The following CES3 variants were observed in gnomAD, a reference collection of about 807,000 sequenced individuals.
CES3 encodes the protein carboxylesterase 3 (brain).
CES3 carries 49 observed loss-of-function variants against 57.6 expected under a neutral mutation model. That is an observed-to-expected ratio of 0.85 (90% CI 0.68 to 1.08). CES3 has a LOEUF of 1.08. Among genes scored for constraint, CES3 ranks in the 50% least tolerant of loss-of-function variants. The probability of loss-of-function intolerance (pLI) is 0.00; values close to 1 mark genes in which losing one functional copy is unlikely to be tolerated. For missense variants in CES3, 645 were observed against 742.0 expected (o/e 0.87, Z 1.52); for synonymous variants, 266 against 281.6 (o/e 0.94, Z 0.55).
chr16:66,966,439 T>G (rs972063707), intron 7 of CES3, 94 bp downstream of exon 7: 9 of 1,267,216 alleles, frequency 7.1e-6, no homozygotes, highest in Admixed American at 2.0e-5. Context: ...TACCCCCAGG[T>G]GGGGCTGGGG....
intron 8 of CES3, among the ~76,000 whole-genome samples, chr16:66,969,181 G>T (rs569428628): frequency 5.3e-4 from 80 of 152,172 alleles, no homozygotes; most frequent in Non-Finnish European, 1.1e-3. Context: ...CAAGGCAGGC[G>T]GATCACTCAA....
rs1024865118 is a variant in CES3 at position 66,961,324 on chromosome 16, G to C, written c.17G>C (p.Arg6Thr). 1 of 1,613,924 alleles carries C rather than the reference G, an allele frequency of 6.2e-7. No homozygotes were observed. Among genetic ancestry groups the C allele is most frequent in the Non-Finnish European group, 8.5e-7 (1 of 1,179,928 alleles). Residue 6 changes from arginine to threonine, a missense_variant, in exon 1 of 13, where the codon AGA becomes ACA. Physicochemically the swap from Arg to Thr is moderately conservative, Grantham distance 71 (BLOSUM62 -1). Transcript: ENST00000303334. MERAV[R>T]VESGVLVGVV... ...GTAAGGAGAATGGAGAGAGCAGTGA[G>C]AGTGGAGTCCGGGGTCCTGGTCGGG...
chr16:66,966,961 C>A, intron 8 of CES3, 96 bp downstream of exon 8: 1 of 1,398,898 alleles, frequency 7.1e-7, no homozygotes, highest in Non-Finnish European at 9.8e-7. Flanking sequence ...CGGAGCACTC[C>A]CGTTACTCCC....
chr16:66,972,890 A>G lies in CES3; in HGVS notation c.1557A>G (p.Gln519=), dbSNP rs71649614. 693 of 1,614,162 alleles carry G rather than the reference A, an allele frequency of 4.3e-4. 4 individuals are homozygous for G. In the African/African-American group the frequency reaches 7.7e-3, roughly 18 times the overall value. The stretch of plus-strand genomic sequence containing the variant: ...GCAAGGCTCTGCCTCCTTGGCCCCA[A>G]TTCAACCAGGCGGAACAATATCTGG... The part of the protein sequence containing the change: ...PNSKALPPWP[Q]FNQAEQYLEI... Residue 519 remains glutamine, a synonymous_variant, in exon 13 of 13, where the codon CAA becomes CAG. Coordinates refer to ENST00000303334, the MANE Select transcript of CES3 (RefSeq NM_024922.6).
Position 66,964,481 on chromosome 16 carries a change from T to C in CES3, c.685T>C (p.Ser229Pro). 6.2e-7 allele frequency: 1 copy of C among 1,614,124 alleles called. No homozygotes were observed. The part of the protein sequence containing the change: ...DLNCVTVFGG[S>P]AGGSIISGLV... ...CAACTGTGTCACTGTCTTTGGTGGA[T>C]CTGCCGGTGGGAGCATCATCTCTGG... The change falls in exon 5 of 13, where the codon TCT becomes CCT. Residue 229 changes from serine (S) to proline (P), a missense_variant. Ser to Pro is a moderately conservative substitution (Grantham distance 74). Coordinates refer to ENST00000303334, the MANE Select transcript of CES3 (RefSeq NM_024922.6).
Position 66,964,701 on chromosome 16 carries a change from G to A in CES3, c.793G>A (p.Asp265Asn), listed in dbSNP as rs941484361. The A allele has an allele frequency of 3.7e-6, 6 of 1,613,874 alleles. No homozygotes were observed. The highest frequency in any genetic ancestry group is 1.7e-5 in the Admixed American group (1 of 59,990). ...GGTCATCACCACCCCAGGGATCATC[G>A]ACTCTCACCCTTGGCCCCTAGCTCA... The part of the protein sequence containing the change: ...SGVITTPGII[D>N]SHPWPLAQKI... The change falls in exon 6 of 13, where the codon GAC becomes AAC. Residue 265 changes from aspartate (D) to asparagine (N), a missense_variant. Physicochemically the swap from Asp to Asn is conservative, Grantham distance 23 (BLOSUM62 1). Transcript: ENST00000303334.
chr16:66,973,170 G>C lies in CES3; in HGVS notation c.*121G>C, dbSNP rs750425660. On this transcript the variant is annotated 3_prime_UTR_variant, in exon 13 of 13. Coordinates refer to ENST00000303334, the MANE Select transcript of CES3 (RefSeq NM_024922.6). ...AATCTCCACCAGCCCTTAAAGTGTC[G>C]GCCGCTCTGTGACTGGAGTTATGCT... is the stretch of plus-strand genomic sequence containing the variant. 1.0e-5 allele frequency: 9 copies of C among 862,314 alleles called. No individual in the cohort carries two copies. The African/African-American group carries it at 1.4e-4, about 13-fold the overall frequency. The allele number at this position is 862,314 out of a possible 1,614,324, so 53.4% of individuals were successfully genotyped here. A position where few individuals can be genotyped will look rare whatever the true frequency, so the allele number is the denominator to read the frequency against.
chr16:66,972,557 G>T (rs1218204357), intron 11 of CES3, 52 bp downstream of exon 11: 1 of 1,606,348 alleles, frequency 6.2e-7, no homozygotes, highest in East Asian at 2.2e-5. Context: ...ACTCCAAGGG[G>T]CCTGGGCAGG....
intron 1 of CES3, among the ~76,000 whole-genome samples, chr16:66,962,586 C>T (rs1963666059): frequency 6.6e-6 from 1 of 151,920 alleles, no homozygotes; most frequent in African/African-American, 2.4e-5. Flanking sequence ...TAATGAGACC[C>T]CATCTCTACT....
In CES3 at chr16:66,972,857, C is replaced by T. The variant is rs1423228273; in HGVS notation, c.1524C>T (p.Asp508=). 15 of 1,613,966 alleles carry T rather than the reference C, an allele frequency of 9.3e-6. No homozygotes were observed. The highest frequency in any genetic ancestry group is 1.3e-5 in the Non-Finnish European group (15 of 1,179,976). ...AQWTHFARTG[D]PNSKALPPWP... ...CTCATTCATTCCTCCCACCCAGGGA[C>T]CCCAATAGCAAGGCTCTGCCTCCTT... Residue 508 remains aspartate (D), a synonymous_variant, in exon 13 of 13, where the codon GAC becomes GAT. Transcript: ENST00000303334.
chr16:66,964,922 G>T (rs1329163436), intron 6 of CES3, among the ~76,000 whole-genome samples, 195 bp downstream of exon 6: 3 of 152,168 alleles, frequency 2.0e-5, no homozygotes, highest in Non-Finnish European at 4.4e-5. Context: ...AGGGCTTCCT[G>T]AAGGAAGCCA....
chr16:66,963,759 T>G lies in CES3; in HGVS notation c.427-43T>G, dbSNP rs760512885. The G allele has an allele frequency of 6.2e-7, 1 of 1,609,576 alleles. No individual in the cohort carries two copies. The highest frequency in any genetic ancestry group is 8.5e-7 in the Non-Finnish European group (1 of 1,176,266). On this transcript the variant is annotated intron_variant, in intron 3 of 12. Transcript: ENST00000303334. This position sits in a 1 kb window ranked among gnomAD's most constrained non-coding sequence, Gnocchi z 4.9. Reference sequence around the variant, plus strand: ...TGGGCTGGCAGGTGGGCAGCTAAGGTCTCAGGAGCTTGGGGGTCAGTGCCC... The same window carrying G: ...TGGGCTGGCAGGTGGGCAGCTAAGGGCTCAGGAGCTTGGGGGTCAGTGCCC...
At chr16:66,967,887 G>T in intron 8 of CES3, 1 of 438,858 alleles carries the variant, frequency 2.3e-6, no homozygotes, top group Non-Finnish European at 3.0e-6. Flanking sequence ...TTCCTGAGTA[G>T]CTCGGGCCTC....
Position 66,963,977 on chromosome 16 carries a change from A to G in CES3, c.560+42A>G. On this transcript the variant is annotated intron_variant, in intron 4 of 12. Transcript: ENST00000303334. The surrounding 1 kb of genome is among the most constrained non-coding windows in gnomAD (Gnocchi z 4.9). ...GGCCAGAGCACTGCCTGCACCGGGGAGAGGCCAGCTCACCAGAGCAACTGG... is the reference window on the plus strand; with the variant it reads ...GGCCAGAGCACTGCCTGCACCGGGGGGAGGCCAGCTCACCAGAGCAACTGG... The G allele has an allele frequency of 6.3e-7, 1 of 1,595,462 alleles. No individual in the cohort carries two copies. The highest frequency in any genetic ancestry group is 8.6e-7 in the Non-Finnish European group (1 of 1,165,544).
rs558647710 is a variant in CES3, at chr16:66,966,451, C to T, written c.921+106C>T. ...GTCTACCCCCAGGTGGGGCTGGGGA[C>T]AGCAGCTCATGAGGGGAAGGGGCTG... is the stretch of plus-strand genomic sequence containing the variant. On this transcript the variant is annotated intron_variant, in intron 7 of 12. Coordinates refer to ENST00000303334, the MANE Select transcript of CES3 (RefSeq NM_024922.6). The T allele has an allele frequency of 1.5e-5, 17 of 1,156,174 alleles. No individual in the cohort carries two copies. In the African/African-American group the frequency reaches 2.0e-4, roughly 13 times the overall value. 71.6% of individuals were successfully genotyped at this position (1,156,174 alleles called of 1,614,324 possible).
rs1368126981 is a variant in CES3, at chr16:66,964,671, A to ACC, written c.763_764insCC (p.Ser255ThrfsTer18). ...GCTGTTCCACAGAGCCATCACACAG[A>ACC]GTGGGGTCATCACCACCCCAGGGAT... On this transcript the variant is annotated frameshift_variant, in exon 6 of 13. Transcript: ENST00000303334. LOFTEE classifies it high-confidence loss of function. The ACC allele has an allele frequency of 6.2e-7, 1 of 1,613,888 alleles. No individual in the cohort carries two copies. Among genetic ancestry groups the ACC allele is most frequent in the Admixed American group, 1.7e-5 (1 of 59,992 alleles).
At chr16:66,964,070 G>A in intron 4 of CES3, 135 bp downstream of exon 4, 1 of 1,353,612 alleles carries the variant, frequency 7.4e-7, no homozygotes. Flanking sequence ...GCAGAGAAGG[G>A]CACCCCCCAA....
chr16:66,972,860 C>T lies in CES3; in HGVS notation c.1527C>T (p.Pro509=). The T allele has an allele frequency of 6.2e-7, 1 of 1,614,096 alleles. No homozygotes were observed. Among genetic ancestry groups the T allele is most frequent in the South Asian group, 1.1e-5 (1 of 91,078 alleles). ...ATTCATTCCTCCCACCCAGGGACCC[C>T]AATAGCAAGGCTCTGCCTCCTTGGC... ...QWTHFARTGD[P]NSKALPPWPQ... Residue 509 remains proline (P), a synonymous_variant, in exon 13 of 13, where the codon CCC becomes CCT. Transcript: ENST00000303334.
rs561679358 is a variant in CES3 at position 66,970,784 on chromosome 16, G to A, written c.1144-388G>A. Among the ~76,000 whole-genome samples, 18 of 152,266 alleles carry A rather than the reference G, an allele frequency of 1.2e-4. No individual in the cohort carries two copies. In the South Asian group the frequency reaches 3.3e-3, roughly 28 times the overall value. On this transcript the variant is annotated intron_variant, in intron 9 of 12. Coordinates refer to ENST00000303334, the MANE Select transcript of CES3 (RefSeq NM_024922.6). ...AAGCCCCAGAACCCTTCCCATTCAC[G>A]CAATCTCATCACTGCCCTCTGGAGC...
Sources: gnomAD v4.1 joint callset for allele counts (sites outside exome capture counted in the v4.1 genomes callset) on GRCh38, gnomAD v4.1.1 for gene constraint, Gnocchi (gnomAD v3.1) non-coding constraint, MANE v1.5 for transcripts, NCBI Gene and HGNC (gene_info 2026-07-23, HGNC 2026-07-21) for gene names.